Variants in TCF20 observed in about 807,000 individuals in gnomAD.
The protein encoded by TCF20 is SPRE-binding protein.
A neutral mutation model predicts 148.6 loss-of-function variants in TCF20; 3 were observed. That is an observed-to-expected ratio of 0.02 (90% confidence interval 0.01 to 0.05). The LOEUF (loss-of-function observed/expected upper bound fraction) is 0.05, where lower values mean the gene tolerates loss of function less well. Among genes scored for constraint, TCF20 ranks in the 10% least tolerant of loss-of-function variants. The pLI is 1.00. For synonymous variants in TCF20, 1,049 were observed against 909.5 expected, an observed-to-expected ratio of 1.15 and a Z score of -2.76; for missense variants, 2,350 against 2,429.3, an observed-to-expected ratio of 0.97 and a Z score of 0.69.
intron 1 of TCF20, among the ~76,000 whole-genome samples, chr22:42,301,252 C>T (rs1927331307): frequency 6.6e-6 from 1 of 151,982 alleles, no homozygotes; most frequent in South Asian, 2.1e-4. Context: ...ATGGGGCTGT[C>T]AGGACAAGGC....
At chr22:42,199,749 T>G (rs1601570936) in intron 2 of TCF20, among the ~76,000 whole-genome samples, 2 of 129,524 alleles carry the variant, frequency 1.5e-5, no homozygotes, top group African/African-American at 3.0e-5. Context: ...TAGCCAGATG[T>G]GGTGACAGGA....
chr22:42,330,594 CTG>C (rs1245874143), intron 1 of TCF20, among the ~76,000 whole-genome samples: 1 of 152,224 alleles, frequency 6.6e-6, no homozygotes, highest in East Asian at 1.9e-4. Flanking sequence ...TTGCTCACTG[CTG>C]TGTGTTCTTA....
intron 2 of TCF20, among the ~76,000 whole-genome samples, chr22:42,203,270 C>T (rs1477155798): frequency 6.6e-6 from 1 of 151,996 alleles, no homozygotes; most frequent in Admixed American, 6.6e-5. Flanking sequence ...TCAGGTAATC[C>T]AAAGTGCTAG....
At chr22:42,172,832 G>C (rs1231343131) in intron 3 of TCF20, among the ~76,000 whole-genome samples, 1 of 152,216 alleles carries the variant, frequency 6.6e-6, no homozygotes, top group African/African-American at 2.4e-5. Flanking sequence ...GCACACTGCA[G>C]GGCTTGGGAC....
chr22:42,221,689 G>C lies in TCF20; in HGVS notation c.-36-6348C>G, dbSNP rs1240220091. 2.0e-5 allele frequency among the ~76,000 whole-genome samples: 3 copies of C among 150,836 alleles called. No individual in the cohort carries two copies. The East Asian group carries it at 5.9e-4, about 30-fold the overall frequency. ...GAGTTGCAGGCAGGTGCTGGGCTCT[G>C]AATGCCAAGGATGTGGGGTCTATAG... On this transcript the variant is annotated intron_variant, in intron 1 of 5. Coordinates refer to ENST00000677622, the MANE Select transcript of TCF20 (RefSeq NM_001378418.1).
At chr22:42,216,147 G>C (rs1214171534) in intron 1 of TCF20, among the ~76,000 whole-genome samples, 2 of 137,886 alleles carry the variant, frequency 1.5e-5, no homozygotes, top group Non-Finnish European at 3.1e-5. Context: ...GAGTGTGCAG[G>C]GGCACAGTCG....
rs1921179302 is a variant in TCF20, at chr22:42,212,997, C to T, written c.2309G>A (p.Arg770Lys). 6.2e-7 allele frequency: 1 copy of T among 1,613,948 alleles called. No individual in the cohort carries two copies. The highest frequency in any genetic ancestry group is 1.3e-5 in the African/African-American group (1 of 74,916). The change falls in exon 2 of 6, where the codon AGG (arginine) becomes AAG (lysine). Residue 770 changes from arginine to lysine, a missense_variant. Around this residue, in one of 7 missense-constraint regions of TCF20, gnomAD observed 1,641 missense variants for 1,662.6 expected, o/e 0.99. Transcript: ENST00000677622. ...YHHHPDRRYS[R>K]STQEHQGMAG... The stretch of plus-strand genomic sequence containing the variant: ...CATCCCCTGATGCTCTTGAGTACTC[C>T]TAGAATATCTCCTGTCAGGGTGGTG...
intron 1 of TCF20, among the ~76,000 whole-genome samples, chr22:42,262,830 T>G (rs745674704): frequency 3.3e-5 from 5 of 152,168 alleles, no homozygotes; most frequent in Non-Finnish European, 7.4e-5. Flanking sequence ...ATTCCCCTTA[T>G]GAGAATACTT....
intron 1 of TCF20, among the ~76,000 whole-genome samples, chr22:42,307,716 G>A (rs992994411): frequency 3.9e-5 from 6 of 152,320 alleles, no homozygotes; most frequent in East Asian, 1.9e-4. Flanking sequence ...AGCGGAAGAC[G>A]AGGCCTCCTG....
At position 42,214,001 on chromosome 22, in the gene TCF20, G is replaced by A. The variant is rs1436860281; in HGVS notation, c.1305C>T (p.Phe435=). The A allele has an allele frequency of 6.2e-7, 1 of 1,614,036 alleles. No homozygotes were observed. The highest frequency in any genetic ancestry group is 2.2e-5 in the East Asian group (1 of 44,884). The stretch of plus-strand genomic sequence containing the variant: ...GTACCCCTTCTAGTCCAAACCCTTT[G>A]AAGCCTGCAGCATGAGAATTAGGAC... ...MPSPNSHAAG[F]KGFGLEGVPE... is the part of the protein sequence containing the mutation. The change falls in exon 2 of 6, where the codon TTC becomes TTT. Residue 435 remains phenylalanine (F), a synonymous_variant. Transcript: ENST00000677622.
At position 42,174,991 on chromosome 22, in the gene TCF20, C is replaced by T. The variant is rs185746106; in HGVS notation, c.5749+4618G>A. 2.3e-3 allele frequency among the ~76,000 whole-genome samples: 348 copies of T among 150,804 alleles called. 3 individuals carry two copies. Among genetic ancestry groups the T allele is most frequent in the African/African-American group, 7.6e-3 (312 of 41,048 alleles). ...CGGAGCTTGCAGTGAGCCGAGATCG[C>T]GCCACTGCACTCCAGTCGGGGCAAC... On this transcript the variant is annotated intron_variant, in intron 3 of 5. Coordinates refer to ENST00000677622, the MANE Select transcript of TCF20 (RefSeq NM_001378418.1).
At chr22:42,246,364 C>T (rs1924905221) in intron 1 of TCF20, among the ~76,000 whole-genome samples, 1 of 152,218 alleles carries the variant, frequency 6.6e-6, no homozygotes. Context: ...TCCGCCTCGG[C>T]CTCCCAAAGT....
intron 3 of TCF20, among the ~76,000 whole-genome samples, chr22:42,179,141 C>T (rs1936623551): frequency 6.6e-6 from 1 of 151,486 alleles, no homozygotes; most frequent in Non-Finnish European, 1.5e-5. Flanking sequence ...AATGGGGCAG[C>T]CATTTTGGAA....
At chr22:42,287,298 C>A (rs1329379961), upstream of TCF20, among the ~76,000 whole-genome samples, 1 of 152,068 alleles carries the variant, frequency 6.6e-6, no homozygotes, top group Non-Finnish European at 1.5e-5. Flanking sequence ...AACAAAGAAA[C>A]CAGAACGTCT....
At chr22:42,166,816 CA>C (rs1334903449) in intron 5 of TCF20, among the ~76,000 whole-genome samples, 1 of 152,172 alleles carries the variant, frequency 6.6e-6, no homozygotes, top group Admixed American at 6.5e-5. Flanking sequence ...TTCTAGGACA[CA>C]TTCCAGGAAT....
chr22:42,303,416 C>T (rs1408238569), intron 1 of TCF20, among the ~76,000 whole-genome samples: 1 of 152,270 alleles, frequency 6.6e-6, no homozygotes, highest in Non-Finnish European at 1.5e-5. Context: ...CTAGTGGACA[C>T]TCCGAGCGTT....
At position 42,250,875 on chromosome 22, in the gene TCF20, C is replaced by A. The variant is rs1352548246; in HGVS notation, c.-37+19464G>T. ...GGAAGCTTCCAATCATGGCAGAAGG[C>A]AAAGGGGGAACAGGCACATCACATG... On this transcript the variant is annotated intron_variant, in intron 1 of 5. Transcript: ENST00000677622. Among the ~76,000 whole-genome samples, 3 of 152,118 alleles carry A rather than the reference C, an allele frequency of 2.0e-5. No individual in the cohort carries two copies. The East Asian group carries it at 5.8e-4, about 29-fold the overall frequency.
chr22:42,289,699 A>AC (rs975985318), intron 1 of TCF20, among the ~76,000 whole-genome samples: 2 of 152,108 alleles, frequency 1.3e-5, no homozygotes, highest in Non-Finnish European at 2.9e-5. Flanking sequence ...GAGATTCTGA[A>AC]CCACACACAC....
rs1000569423 is a variant in TCF20 at position 42,279,423 on chromosome 22, G to A, written c.-37+4404C>T. 6.6e-6 allele frequency among the ~76,000 whole-genome samples: 1 copy of A among 152,160 alleles called. No homozygotes were observed. Among genetic ancestry groups the A allele is most frequent in the South Asian group, 2.1e-4 (1 of 4,828 alleles). On this transcript the variant is annotated intron_variant, in intron 1 of 5. Transcript: ENST00000359486. This position sits in a 1 kb window ranked among gnomAD's most constrained non-coding sequence, Gnocchi z 4.3. ...ACCTGGGAGGCAGAGGTTGCAGTGA[G>A]CAGAGATTGCGCCACTGCACTCCAG...
Sources: gnomAD v4.1 joint callset for allele counts (sites outside exome capture counted in the v4.1 genomes callset) on GRCh38, gnomAD v4.1.1 for gene constraint, gnomAD v4.1.1 regional missense constraint, Gnocchi (gnomAD v3.1) non-coding constraint, MANE v1.5 for transcripts, NCBI Gene and HGNC (gene_info 2026-07-23, HGNC 2026-07-21) for gene names.